Variants in TEX15 observed in about 807,000 individuals in gnomAD.
TEX15 encodes testis expressed 15, meiosis and synapsis associated, also known as testis-expressed protein 15.
In TEX15, 171 loss-of-function variants were observed where a neutral mutation model predicts 237.3. The ratio of observed to expected loss-of-function variants is 0.72; its 90% confidence interval spans 0.64 to 0.82. The LOEUF (loss-of-function observed/expected upper bound fraction) is 0.82. Ranked by LOEUF, TEX15 falls within the 40% of genes least tolerant of loss-of-function variation. The pLI, the probability that TEX15 is intolerant of heterozygous loss-of-function variation, is 0.00. For missense variants in TEX15, 3,750 were observed against 3,646.5 expected, an observed-to-expected ratio of 1.03 and a Z score of -0.73; for synonymous variants, 1,338 against 1,269.8, an observed-to-expected ratio of 1.05 and a Z score of -1.14.
chr8:30,844,282 G>C lies in TEX15; in HGVS notation c.5885C>G (p.Pro1962Arg). ...ILGVNHTPIL[P>R]AHSETCKVPT... ...GACTTTACAGGTTTCAGAGTGGGCA[G>C]GTAAAATAGGCGTATGATTAACTCC... The change falls in exon 8 of 11, where the codon CCT becomes CGT. Residue 1962 changes from proline (P) to arginine (R), a missense_variant. By Grantham distance (103) the Pro-to-Arg change is moderately radical (BLOSUM62 -2). Transcript: ENST00000643185. The C allele has an allele frequency of 1.9e-6, 3 of 1,613,358 alleles. No homozygotes were observed. The Middle Eastern group carries it at 5.0e-4, about 266-fold the overall frequency.
chr8:30,840,694 T>C (rs1353317896), intron 8 of TEX15, among the ~76,000 whole-genome samples: 3 of 152,216 alleles, frequency 2.0e-5, no homozygotes, highest in Non-Finnish European at 4.4e-5. Context: ...CTTATTACTA[T>C]ATATACTTCT....
intron 7 of TEX15, among the ~76,000 whole-genome samples, chr8:30,854,749 G>A (rs1807870577): frequency 6.6e-6 from 1 of 151,970 alleles, no homozygotes. Context: ...CAATAAAATT[G>A]CAGCAAACTG....
intron 7 of TEX15, among the ~76,000 whole-genome samples, chr8:30,851,564 G>A (rs576680280): frequency 2.1e-4 from 32 of 152,094 alleles, no homozygotes; most frequent in South Asian, 4.2e-4. Context: ...CCCGTGAGGC[G>A]GAGGTTGCAG....
At position 30,885,585 on chromosome 8, in the gene TEX15, G is replaced by GT. The variant is rs1358402620; in HGVS notation, c.136+1581dup. The stretch of plus-strand genomic sequence containing the variant: ...TTAATACATGGTCTGAGAGGTGACT[G>GT]TATGATTTCCACTATTTCAAGTCTC... On this transcript the variant is annotated intron_variant, in intron 3 of 10. Transcript: ENST00000643185. 3.3e-5 allele frequency among the ~76,000 whole-genome samples: 5 copies of GT among 152,248 alleles called. No homozygotes were observed. The East Asian group carries it at 9.6e-4, about 29-fold the overall frequency.
Position 30,837,009 on chromosome 8 carries a change from A to G in TEX15, c.9275T>C (p.Leu3092Pro), listed in dbSNP as rs751585820. 3.1e-6 allele frequency: 5 copies of G among 1,614,164 alleles called. No homozygotes were observed. In the Admixed American group the frequency reaches 5.0e-5, roughly 16 times the overall value. ...STAQGTHSNL[L>P]YSQYFTYFAG... ...AAAATAAGTAAAATATTGAGAGTAC[A>G]GAAGATTAGAATGTGTGCCCTGGGC... Residue 3092 changes from leucine (L) to proline (P), a missense_variant, in exon 10 of 11, where the codon CTG becomes CCG. Leu to Pro is a moderately conservative substitution (Grantham distance 98). Coordinates refer to ENST00000643185, the MANE Select transcript of TEX15 (RefSeq NM_001350162.2).
At chr8:30,893,420 T>C (rs912823232) in intron 2 of TEX15, among the ~76,000 whole-genome samples, 6 of 152,244 alleles carry the variant, frequency 3.9e-5, no homozygotes, top group Non-Finnish European at 7.3e-5. Context: ...CTATGAATAA[T>C]GGACAGTACA....
chr8:30,880,172 G>T (rs1451522763), intron 3 of TEX15, among the ~76,000 whole-genome samples: 1 of 151,948 alleles, frequency 6.6e-6, no homozygotes, highest in Non-Finnish European at 1.5e-5. Flanking sequence ...GGGATTATAG[G>T]CACCCACCAC....
In TEX15 at chr8:30,839,905, C is replaced by T. The variant is rs1807411231; in HGVS notation, c.8222+1G>A. On this transcript the variant is annotated splice_donor_variant, in intron 9 of 10. Transcript: ENST00000643185. LOFTEE classifies it high-confidence loss of function. The stretch of plus-strand genomic sequence containing the variant: ...CACATAGGGCTGATGGGAACTCCTA[C>T]CTTGGATGCTTGAATGTTGCCTTTT... The T allele has an allele frequency of 6.2e-7, 1 of 1,600,360 alleles. No individual in the cohort carries two copies. The highest frequency in any genetic ancestry group is 8.5e-7 in the Non-Finnish European group (1 of 1,173,576).
At chr8:30,912,136 C>T (rs1321077769) in intron 1 of TEX15, among the ~76,000 whole-genome samples, 1 of 152,210 alleles carries the variant, frequency 6.6e-6, no homozygotes, top group Non-Finnish European at 1.5e-5. Context: ...GCGCCGCCCT[C>T]ACCTACCGAG....
chr8:30,885,908 T>G (rs1808636328), intron 3 of TEX15, among the ~76,000 whole-genome samples: 1 of 152,250 alleles, frequency 6.6e-6, no homozygotes, highest in South Asian at 2.1e-4. Flanking sequence ...CTAAGTCTTC[T>G]ATTCAGTTAT....
At position 30,845,813 on chromosome 8, in the gene TEX15, A is replaced by G. The variant is rs1807589392; in HGVS notation, c.4354T>C (p.Tyr1452His). 6.2e-7 allele frequency: 1 copy of G among 1,608,722 alleles called. No homozygotes were observed. Among genetic ancestry groups the G allele is most frequent in the African/African-American group, 1.3e-5 (1 of 74,382 alleles). ...STKHFSSKRK[Y>H]DKRRKKRAPK... is the part of the protein sequence containing the mutation. ...GCTCTTTTCTTTCTCCGTTTGTCAT[A>G]TTTTCTTTTTGACGAAAAATGCTTA... Residue 1452 changes from tyrosine (Y) to histidine (H), a missense_variant, in exon 8 of 11, where the codon TAT becomes CAT. Tyr to His is a moderately conservative substitution (Grantham distance 83, BLOSUM62 2). Transcript: ENST00000643185.
At chr8:30,839,331 C>T (rs1454780602) in intron 9 of TEX15, among the ~76,000 whole-genome samples, 1 of 152,124 alleles carries the variant, frequency 6.6e-6, no homozygotes, top group Non-Finnish European at 1.5e-5. Context: ...CAAAATTATA[C>T]TTTCTGAGAG....
chr8:30,851,539 G>A (rs1807784267), intron 7 of TEX15, among the ~76,000 whole-genome samples: 1 of 152,048 alleles, frequency 6.6e-6, no homozygotes, highest in Admixed American at 6.6e-5. Flanking sequence ...GCTGAGGCAG[G>A]AGAATCGCCT....
chr8:30,884,212 ACTTGCGT>A (rs1388514010), intron 3 of TEX15, among the ~76,000 whole-genome samples: 3 of 152,162 alleles, frequency 2.0e-5, no homozygotes, highest in African/African-American at 7.2e-5. Flanking sequence ...TTCTATTCTG[ACTTGCGT>A]GAGATGGTAT....
At chr8:30,900,048 T>C (rs1040385600) in intron 1 of TEX15, among the ~76,000 whole-genome samples, 1 of 152,238 alleles carries the variant, frequency 6.6e-6, no homozygotes, top group African/African-American at 2.4e-5. Context: ...TCTAGATCTT[T>C]TTTCTTTTCT....
At chr8:30,874,272 G>T (rs760874206) in intron 4 of TEX15, among the ~76,000 whole-genome samples, 4 of 152,140 alleles carry the variant, frequency 2.6e-5, no homozygotes, top group Non-Finnish European at 4.4e-5. Flanking sequence ...CTCTAGTTAG[G>T]TTTTAAGTTA....
intron 1 of TEX15, among the ~76,000 whole-genome samples, chr8:30,912,635 G>A (rs528128379): frequency 3.9e-5 from 6 of 152,338 alleles, no homozygotes; most frequent in African/African-American, 1.2e-4. Flanking sequence ...CATTTCACCT[G>A]TAGAGTCGGC....
rs532888946 is a variant in TEX15, at chr8:30,857,737, C to CA, written c.850+930dup. On this transcript the variant is annotated intron_variant, in intron 7 of 10. Transcript: ENST00000643185. ...TTAAATGCTGTACCTACTAGTGTAG[C>CA]AAAAACACTGAAAAAGTCTGACAGC... 6.5e-4 allele frequency among the ~76,000 whole-genome samples: 99 copies of CA among 152,216 alleles called. 3 individuals are homozygous for CA. The South Asian group carries it at 0.02, about 30-fold the overall frequency.
chr8:30,833,800 T>A (rs1807234684), intron 10 of TEX15, among the ~76,000 whole-genome samples: 1 of 151,922 alleles, frequency 6.6e-6, no homozygotes, highest in African/African-American at 2.4e-5. Context: ...CCTCCTTAAT[T>A]TTTTTTAGAG....
Sources: gnomAD v4.1 joint callset for allele counts (sites outside exome capture counted in the v4.1 genomes callset) on GRCh38, gnomAD v4.1.1 for gene constraint, MANE v1.5 for transcripts, NCBI Gene and HGNC (gene_info 2026-07-23, HGNC 2026-07-21) for gene names.